Variants in SERP2 observed in about 807,000 individuals in gnomAD.
The protein encoded by SERP2 is stress-associated endoplasmic reticulum protein 2.
SERP2 carries 6 observed loss-of-function variants against 9.1 expected under a neutral mutation model. The observed-to-expected ratio is 0.66, with a 90% CI of 0.36 to 1.30. The LOEUF is 1.30. Ranked by LOEUF, SERP2 falls within the 50% of genes most tolerant of loss-of-function variation. The pLI, the probability that SERP2 is intolerant of heterozygous loss-of-function variation, is 0.03. For synonymous variants in SERP2, 37 were observed against 27.3 expected (o/e 1.35, Z -1.10); for missense variants, 58 against 81.9 (o/e 0.71, Z 1.13).
chr13:44,389,665 T>C (rs1388068643), intron 2 of SERP2, among the ~76,000 whole-genome samples: 1 of 152,184 alleles, frequency 6.6e-6, no homozygotes, highest in Non-Finnish European at 1.5e-5. Flanking sequence ...GGAACCTCCA[T>C]GAGCCGAGAC....
chr13:44,396,240 G>C (rs184148406), intron 2 of SERP2, among the ~76,000 whole-genome samples: 2 of 152,160 alleles, frequency 1.3e-5, no homozygotes, highest in East Asian at 3.9e-4. Context: ...TGACACATAG[G>C]ATGTGCTCAT....
At chr13:44,382,203 C>T (rs1421878961) in intron 2 of SERP2, among the ~76,000 whole-genome samples, 2 of 151,346 alleles carry the variant, frequency 1.3e-5, no homozygotes, top group South Asian at 2.1e-4. Context: ...TTTGGGAGGC[C>T]GAGGCGGGCG....
chr13:44,383,859 C>T (rs1872167115), intron 2 of SERP2, among the ~76,000 whole-genome samples: 2 of 151,782 alleles, frequency 1.3e-5, no homozygotes, highest in Non-Finnish European at 2.9e-5. Context: ...CCACCCAGGG[C>T]TCTTTCAATG....
intron 2 of SERP2, among the ~76,000 whole-genome samples, chr13:44,394,024 C>A (rs889395731): frequency 6.6e-6 from 1 of 152,204 alleles, no homozygotes. Context: ...CAATTATGAT[C>A]AGGAATGATC....
intron 2 of SERP2, among the ~76,000 whole-genome samples, chr13:44,385,528 T>C (rs1291441035): frequency 2.6e-5 from 4 of 152,178 alleles, no homozygotes; most frequent in Non-Finnish European, 5.9e-5. Flanking sequence ...GGGGAGGTTA[T>C]CTAAATACAT....
intron 2 of SERP2, among the ~76,000 whole-genome samples, chr13:44,387,213 C>A (rs1383986744): frequency 6.6e-6 from 1 of 152,194 alleles, no homozygotes; most frequent in Non-Finnish European, 1.5e-5. Context: ...GCTTCCCCAG[C>A]CCATTCATGG....
chr13:44,377,055 C>T (rs1053516398), intron 1 of SERP2, among the ~76,000 whole-genome samples: 2 of 152,146 alleles, frequency 1.3e-5, no homozygotes, highest in African/African-American at 4.8e-5. Context: ...TTGTGCTGGG[C>T]ACCCCTTCTA....
In SERP2 at chr13:44,392,147, G is replaced by A. The variant is rs1872808941; in HGVS notation, c.158-5125G>A. On this transcript the variant is annotated intron_variant, in intron 2 of 2. Transcript: ENST00000379179. ...CGGAAGACAGAGGTTGCAGTAAGCCGAGATCGTGCCACTGCTCTCTAGGCT... is the reference window on the plus strand; with the variant it reads ...CGGAAGACAGAGGTTGCAGTAAGCCAAGATCGTGCCACTGCTCTCTAGGCT... 2.4e-5 allele frequency among the ~76,000 whole-genome samples: 3 copies of A among 124,548 alleles called. No individual in the cohort carries two copies. In the Admixed American group the frequency reaches 3.0e-4, roughly 13 times the overall value. 81.7% of individuals were successfully genotyped at this position (124,548 alleles called of 152,430 possible). A position where few individuals can be genotyped will look rare whatever the true frequency, so the allele number is the denominator to read the frequency against.
Position 44,391,456 on chromosome 13 carries a change from G to A in SERP2, c.158-5816G>A, listed in dbSNP as rs549559533. Among the ~76,000 whole-genome samples the A allele has an allele frequency of 1.2e-4, 19 of 152,274 alleles. No individual in the cohort carries two copies. The South Asian group carries it at 3.9e-3, about 32-fold the overall frequency. On this transcript the variant is annotated intron_variant, in intron 2 of 2. Coordinates refer to ENST00000379179, the MANE Select transcript of SERP2 (RefSeq NM_001010897.3). ...CTACTTTGTGCCATACCTGGTCGCT[G>A]TTATCCTGGAGCTTATAGTCTAATG...
intron 2 of SERP2, among the ~76,000 whole-genome samples, chr13:44,383,001 G>A (rs541480973): frequency 3.9e-5 from 6 of 152,160 alleles, no homozygotes; most frequent in East Asian, 1.9e-4. Flanking sequence ...CTGTTTGAGC[G>A]GAGTCTTGAA....
At chr13:44,392,288 T>C (rs1872828455) in intron 2 of SERP2, among the ~76,000 whole-genome samples, 1 of 145,410 alleles carries the variant, frequency 6.9e-6, no homozygotes, top group African/African-American at 2.5e-5. Context: ...AGAAGAGTGA[T>C]ACAAGGTGAG....
intron 2 of SERP2, among the ~76,000 whole-genome samples, chr13:44,380,487 A>G (rs370961652): frequency 7.2e-5 from 11 of 152,298 alleles, no homozygotes; most frequent in South Asian, 6.2e-4. Flanking sequence ...CTCTGCCCCA[A>G]TGACAAGAGA....
intron 2 of SERP2, among the ~76,000 whole-genome samples, chr13:44,382,037 T>TGG (rs397949448): frequency 1.3e-5 from 2 of 150,036 alleles, no homozygotes; most frequent in East Asian, 3.9e-4. Context: ...GATGGATGGA[T>TGG]AAAGCCAGAT....
At chr13:44,379,159 T>G (rs554018495) in intron 1 of SERP2, among the ~76,000 whole-genome samples, 1 of 152,342 alleles carries the variant, frequency 6.6e-6, no homozygotes, top group South Asian at 2.1e-4. Context: ...TCAGGCTTTA[T>G]AATGAGGCAG....
At chr13:44,374,546 TA>T in intron 1 of SERP2, among the ~76,000 whole-genome samples, 1 of 152,118 alleles carries the variant, frequency 6.6e-6, no homozygotes, top group Admixed American at 6.5e-5. Flanking sequence ...GCCTGGAACC[TA>T]GTATGTTCTA....
At chr13:44,374,332 C>T (rs1321910592) in intron 1 of SERP2, among the ~76,000 whole-genome samples, 3 of 152,112 alleles carry the variant, frequency 2.0e-5, no homozygotes, top group Admixed American at 2.0e-4. Flanking sequence ...TGGTCGTGGC[C>T]CCTCTGGGAG....
chr13:44,397,333 C>T lies in SERP2; in HGVS notation c.*21C>T. The T allele has an allele frequency of 6.3e-7, 1 of 1,593,984 alleles. No individual in the cohort carries two copies. The highest frequency in any genetic ancestry group is 1.3e-5 in the African/African-American group (1 of 74,600). On this transcript the variant is annotated 3_prime_UTR_variant, in exon 3 of 3. Coordinates refer to ENST00000379179, the MANE Select transcript of SERP2 (RefSeq NM_001010897.3). Reference sequence around the variant, plus strand: ...TGTGAGAAAGCCAGGGATTTGACACCACCTCCCTCCCACTGGAGGCGGGAG... The same window carrying T: ...TGTGAGAAAGCCAGGGATTTGACACTACCTCCCTCCCACTGGAGGCGGGAG...
chr13:44,393,419 A>T (rs1392195301), intron 2 of SERP2, among the ~76,000 whole-genome samples: 1 of 152,180 alleles, frequency 6.6e-6, no homozygotes, highest in Non-Finnish European at 1.5e-5. Context: ...TAAGGTTACC[A>T]AGGGCCAGGA....
intron 2 of SERP2, chr13:44,395,999 A>T (rs1873081021): frequency 3.3e-6 from 1 of 300,794 alleles, no homozygotes; most frequent in Admixed American, 4.3e-5. Flanking sequence ...AGCACGTCTC[A>T]TCAGTTACTG....
Sources: allele counts gnomAD v4.1 joint callset (sites outside exome capture counted in the v4.1 genomes callset), GRCh38; gene constraint gnomAD v4.1.1; transcripts MANE v1.5; gene names NCBI Gene and HGNC (gene_info 2026-07-23, HGNC 2026-07-21).